The following GRM1 variants were observed in gnomAD, a reference collection of about 807,000 sequenced individuals.
GRM1 encodes the protein metabotropic glutamate receptor 1.
GRM1 carries 33 observed loss-of-function variants against 90.9 expected under a neutral mutation model. That is an observed-to-expected ratio of 0.36 (90% CI 0.28 to 0.49). The LOEUF (loss-of-function observed/expected upper bound fraction) is 0.49, where lower values mean the gene tolerates loss of function less well. GRM1 is among the 20% of genes least tolerant of loss of function. The probability of loss-of-function intolerance (pLI) is 0.99; values close to 1 mark genes in which losing one functional copy is unlikely to be tolerated. For synonymous variants in GRM1, 700 were observed against 613.2 expected (o/e 1.14, Z -2.09); for missense variants, 1,190 against 1,534.3 (o/e 0.78, Z 3.75).
intron 2 of GRM1, among the ~76,000 whole-genome samples, chr6:146,237,418 TTTTG>T (rs1328203834): frequency 1.3e-5 from 2 of 152,052 alleles, no homozygotes; most frequent in Non-Finnish European, 2.9e-5. Context: ...AACAATGTGC[TTTTG>T]TTTGTTTTTC....
At chr6:146,344,408 A>T (rs1785097707) in intron 3 of GRM1, among the ~76,000 whole-genome samples, 1 of 152,298 alleles carries the variant, frequency 6.6e-6, no homozygotes, top group Non-Finnish European at 1.5e-5. Context: ...GTTTCTGTAA[A>T]TATGCCCTTT....
intron 1 of GRM1, among the ~76,000 whole-genome samples, chr6:146,147,210 G>C (rs62434316): frequency 1.3e-3 from 193 of 152,306 alleles, no homozygotes; most frequent in Admixed American, 3.3e-3. Flanking sequence ...CAGAGGAATA[G>C]ATAATGTATA....
At chr6:146,317,160 T>C (rs1210550127) in intron 3 of GRM1, among the ~76,000 whole-genome samples, 1 of 152,218 alleles carries the variant, frequency 6.6e-6, no homozygotes, top group East Asian at 1.9e-4. Context: ...TCAGAGATTT[T>C]TAACAAAAGA....
At chr6:146,350,400 G>T (rs1785359895) in intron 3 of GRM1, among the ~76,000 whole-genome samples, 1 of 151,524 alleles carries the variant, frequency 6.6e-6, no homozygotes, top group African/African-American at 2.4e-5. Flanking sequence ...TTGGGTGATG[G>T]TTTTAGTATT....
chr6:146,343,658 T>TTTA (rs58070198), intron 3 of GRM1, among the ~76,000 whole-genome samples: 21,792 of 148,360 alleles, frequency 0.15, 2,437 homozygotes, highest in African/African-American at 0.32. Context: ...GTTGTTTTTA[T>TTTA]TTATTATTAT....
In GRM1 at chr6:146,036,989, G is replaced by A. The variant is rs558721198; in HGVS notation, c.700+6772G>A. Among the ~76,000 whole-genome samples, 4 of 151,980 alleles carry A rather than the reference G, an allele frequency of 2.6e-5. No homozygotes were observed. In the South Asian group the frequency reaches 8.3e-4, roughly 32 times the overall value. The stretch of plus-strand genomic sequence containing the variant: ...AATATATAGACAGTTATAGGCTCAT[G>A]GGTTAAAAAGAAAATGTTTAATTAC... On this transcript the variant is annotated intron_variant, in intron 1 of 7. Coordinates refer to ENST00000282753, the MANE Select transcript of GRM1 (RefSeq NM_001278064.2).
chr6:146,399,124 C>T lies in GRM1; in HGVS notation c.2085C>T (p.Thr695=), dbSNP rs781417556. 13 of 1,614,052 alleles carry T rather than the reference C, an allele frequency of 8.1e-6. No homozygotes were observed. Among genetic ancestry groups the T allele is most frequent in the Non-Finnish European group, 9.3e-6 (11 of 1,180,000 alleles). Residue 695 remains threonine, a synonymous_variant, in exon 7 of 8, where the codon ACC becomes ACT. Transcript: ENST00000282753. This position sits in a 1 kb window ranked among gnomAD's most constrained non-coding sequence, Gnocchi z 5.4. The part of the protein sequence containing the change: ...ILAGSKKKIC[T]RKPRFMSAWA... ...CTGGCAGCAAGAAGAAGATCTGCAC[C>T]CGGAAGCCCAGGTTCATGAGTGCCT...
chr6:146,277,792 C>T (rs1223466155), intron 2 of GRM1, among the ~76,000 whole-genome samples: 1 of 152,032 alleles, frequency 6.6e-6, no homozygotes, highest in Non-Finnish European at 1.5e-5. Flanking sequence ...ATTGTGCCTG[C>T]CTCACCCCAA....
chr6:146,193,628 T>C (rs1033864289), intron 2 of GRM1, among the ~76,000 whole-genome samples: 3 of 152,182 alleles, frequency 2.0e-5, no homozygotes. Flanking sequence ...GAGATACATA[T>C]TTTGTGTGTC....
rs545235890 is a variant in GRM1, at chr6:146,265,582, C to G, written c.951-39029C>G. ...TTTTTGTTGCATTTGCTTTTGAGAG[C>G]CTAGTCAAAAATTATTTGCCTAGGC... is the stretch of plus-strand genomic sequence containing the variant. On this transcript the variant is annotated intron_variant, in intron 2 of 7. Coordinates refer to ENST00000282753, the MANE Select transcript of GRM1 (RefSeq NM_001278064.2). 1.4e-3 allele frequency among the ~76,000 whole-genome samples: 208 copies of G among 152,230 alleles called. 1 individual carries two copies. Among genetic ancestry groups the G allele is most frequent in the Non-Finnish European group, 2.5e-3 (168 of 67,996 alleles).
upstream of GRM1, among the ~76,000 whole-genome samples, chr6:146,028,409 C>T (rs1470219349): frequency 6.6e-6 from 1 of 151,986 alleles, no homozygotes; most frequent in African/African-American, 2.4e-5. Flanking sequence ...GTCCAGGGTC[C>T]TGAAGGCGGC....
rs772412659 is a variant in GRM1 at position 146,029,777 on chromosome 6, A to G, written c.260A>G (p.Asp87Gly). ...GTGGAGGCCATGTTCCACACGTTGG[A>G]TAAGATCAACGCGGACCCGGTCCTC... ...QRVEAMFHTLDKINADPVLLP... is the reference protein window; with the variant it reads ...QRVEAMFHTLGKINADPVLLP... The change falls in exon 1 of 8, where the codon GAT (aspartate) becomes GGT (glycine). Residue 87 changes from aspartate (D) to glycine (G), a missense_variant. Coordinates refer to ENST00000282753, the MANE Select transcript of GRM1 (RefSeq NM_001278064.2). The G allele has an allele frequency of 6.2e-7, 1 of 1,614,040 alleles. No individual in the cohort carries two copies. Among genetic ancestry groups the G allele is most frequent in the African/African-American group, 1.3e-5 (1 of 75,020 alleles).
intron 1 of GRM1, among the ~76,000 whole-genome samples, chr6:146,035,255 A>G (rs1790846746): frequency 6.6e-6 from 1 of 151,988 alleles, no homozygotes; most frequent in African/African-American, 2.4e-5. Flanking sequence ...TATAGACATG[A>G]AGGACAAGTA....
At position 146,273,803 on chromosome 6, in the gene GRM1, A is replaced by C. The variant is rs1583257262; in HGVS notation, c.951-30808A>C. Among the ~76,000 whole-genome samples, 5 of 152,340 alleles carry C rather than the reference A, an allele frequency of 3.3e-5. No individual in the cohort carries two copies. The South Asian group carries it at 1.0e-3, about 32-fold the overall frequency. ...TTGCTCTATTTTTTTCCAGATGGAT[A>C]ATTGTTAAAGGGTTATTACAAGTAG... is the stretch of plus-strand genomic sequence containing the variant. On this transcript the variant is annotated intron_variant, in intron 2 of 7. Coordinates refer to ENST00000282753, the MANE Select transcript of GRM1 (RefSeq NM_001278064.2).
chr6:146,186,368 G>A (rs187298067), intron 2 of GRM1, among the ~76,000 whole-genome samples: 194 of 152,172 alleles, frequency 1.3e-3, no homozygotes, highest in African/African-American at 4.5e-3. Flanking sequence ...CATTTTTGCT[G>A]TTTGGGCTGG....
intron 1 of GRM1, among the ~76,000 whole-genome samples, chr6:146,127,097 A>G (rs911615133): frequency 1.3e-5 from 2 of 152,240 alleles, no homozygotes; most frequent in African/African-American, 4.8e-5. Context: ...AGCTTTCTTC[A>G]TATTAAATTT....
intron 1 of GRM1, among the ~76,000 whole-genome samples, chr6:146,095,262 C>T (rs1776839302): frequency 1.3e-5 from 2 of 152,118 alleles, no homozygotes; most frequent in African/African-American, 2.4e-5. Context: ...GCAGGGTGTA[C>T]CCCACTGGCT....
chr6:146,404,895 C>CA (rs1355645692), intron 7 of GRM1, among the ~76,000 whole-genome samples: 1 of 151,992 alleles, frequency 6.6e-6, no homozygotes, highest in African/African-American at 2.4e-5. Flanking sequence ...CACAGTAATC[C>CA]AATAACAGGT....
intron 1 of GRM1, among the ~76,000 whole-genome samples, chr6:146,087,390 G>A (rs548625750): frequency 2.0e-5 from 3 of 152,060 alleles, no homozygotes; most frequent in East Asian, 1.9e-4. Flanking sequence ...TAACATTGGC[G>A]TTGGTAAAAT....
Sources: gnomAD v4.1 joint callset for allele counts (sites outside exome capture counted in the v4.1 genomes callset) on GRCh38, gnomAD v4.1.1 for gene constraint, Gnocchi (gnomAD v3.1) non-coding constraint, MANE v1.5 for transcripts, NCBI Gene and HGNC (gene_info 2026-07-23, HGNC 2026-07-21) for gene names.